SKAP1: variants seen among roughly 807,000 people sequenced by gnomAD.
SKAP1 encodes the protein src kinase-associated phosphoprotein 1.
Under a neutral mutation model 58.5 loss-of-function variants are expected in SKAP1, and 44 were observed. The ratio of observed to expected loss-of-function variants is 0.75; its 90% CI spans 0.59 to 0.97. SKAP1 has a LOEUF of 0.97. Among genes scored for constraint, SKAP1 ranks in the 50% least tolerant of loss-of-function variants. The probability of loss-of-function intolerance (pLI) is 0.00; values close to 1 mark genes in which losing one functional copy is unlikely to be tolerated. For synonymous variants in SKAP1, 127 were observed against 149.7 expected, an observed-to-expected ratio of 0.85 and a Z score of 1.11; for missense variants, 390 against 435.2, an observed-to-expected ratio of 0.90 and a Z score of 0.92.
At chr17:48,326,589 C>T (rs2066440083) in intron 4 of SKAP1, among the ~76,000 whole-genome samples, 1 of 152,152 alleles carries the variant, frequency 6.6e-6, no homozygotes, top group Non-Finnish European at 1.5e-5. Context: ...GACATTATAG[C>T]TCACCTTATA....
chr17:48,392,343 G>A (rs2067359708), intron 2 of SKAP1, among the ~76,000 whole-genome samples: 1 of 152,114 alleles, frequency 6.6e-6, no homozygotes, highest in African/African-American at 2.4e-5. Flanking sequence ...CCATAACCCT[G>A]TTACACAAAA....
chr17:48,252,902 T>C (rs1361955678), intron 4 of SKAP1, among the ~76,000 whole-genome samples: 2 of 152,180 alleles, frequency 1.3e-5, no homozygotes, highest in African/African-American at 4.8e-5. Flanking sequence ...CTGGAGTAGA[T>C]GCTATAGAAC....
intron 2 of SKAP1, among the ~76,000 whole-genome samples, chr17:48,364,068 G>A (rs1378547389): frequency 6.6e-6 from 1 of 152,218 alleles, no homozygotes; most frequent in Non-Finnish European, 1.5e-5. Context: ...GGTCCTAAAA[G>A]GGAACCTAGC....
chr17:48,402,082 C>T (rs1376765471), intron 1 of SKAP1, among the ~76,000 whole-genome samples: 1 of 152,170 alleles, frequency 6.6e-6, no homozygotes, highest in Non-Finnish European at 1.5e-5. Context: ...TACCACTTCA[C>T]ACCCACTAGA....
At chr17:48,294,957 CAAAA>C (rs2065946441) in intron 4 of SKAP1, among the ~76,000 whole-genome samples, 1 of 152,114 alleles carries the variant, frequency 6.6e-6, no homozygotes, top group East Asian at 1.9e-4. Context: ...ACCTATGTGA[CAAAA>C]AGAGCCAGCA....
intron 4 of SKAP1, among the ~76,000 whole-genome samples, chr17:48,200,165 C>T (rs867370883): frequency 2.0e-5 from 3 of 151,586 alleles, no homozygotes; most frequent in South Asian, 2.1e-4. Flanking sequence ...GGTGTGGTGG[C>T]GCACACCTGT....
At chr17:48,438,971 A>C in the SKAP1 span, among the ~76,000 whole-genome samples, 3 of 152,240 alleles carry the variant, frequency 2.0e-5, no homozygotes, top group Non-Finnish European at 4.4e-5. Flanking sequence ...AAATAAGTGG[A>C]GAAATAGAAA....
intron 4 of SKAP1, among the ~76,000 whole-genome samples, chr17:48,264,783 C>CACACACACACACA (rs2065525126): frequency 4.3e-5 from 6 of 140,286 alleles, no homozygotes; most frequent in South Asian, 2.1e-4. Context: ...CACACACACA[C>CACACACACACACA]CCTCCATCTC....
chr17:48,266,571 C>A (rs909692161), intron 4 of SKAP1, among the ~76,000 whole-genome samples: 10 of 146,518 alleles, frequency 6.8e-5, no homozygotes, highest in African/African-American at 2.3e-4. Flanking sequence ...AGTGCAGTGG[C>A]GCAATCTTGA....
chr17:48,160,964 G>C (rs2064061036), intron 11 of SKAP1, among the ~76,000 whole-genome samples: 1 of 152,202 alleles, frequency 6.6e-6, no homozygotes, highest in South Asian at 2.1e-4. Flanking sequence ...GAGCCACACA[G>C]AAATGGCACT....
chr17:48,413,072 A>G (rs2067685320), intron 1 of SKAP1, among the ~76,000 whole-genome samples: 1 of 150,940 alleles, frequency 6.6e-6, no homozygotes, highest in African/African-American at 2.4e-5. Flanking sequence ...AAAAAAAACC[A>G]TAAAGAAGTA....
At chr17:48,398,750 G>A (rs12947993) in intron 1 of SKAP1, among the ~76,000 whole-genome samples, 1 of 152,124 alleles carries the variant, frequency 6.6e-6, no homozygotes, top group African/African-American at 2.4e-5. Context: ...GGCCAAGGCG[G>A]GTGGCTCACG....
intron 3 of SKAP1, among the ~76,000 whole-genome samples, chr17:48,360,421 A>G (rs1270469058): frequency 1.3e-5 from 2 of 152,178 alleles, no homozygotes; most frequent in African/African-American, 4.8e-5. Flanking sequence ...TTGCCATCAA[A>G]TCTAAGGGCA....
chr17:48,312,532 T>A (rs1294128446), intron 4 of SKAP1, among the ~76,000 whole-genome samples: 2 of 152,208 alleles, frequency 1.3e-5, no homozygotes, highest in African/African-American at 2.4e-5. Context: ...TTAAAAATAA[T>A]ACCAGGGTAA....
At chr17:48,209,754 T>C (rs532995329) in intron 4 of SKAP1, among the ~76,000 whole-genome samples, 1 of 152,318 alleles carries the variant, frequency 6.6e-6, no homozygotes, top group African/African-American at 2.4e-5. Flanking sequence ...AAATAGATAC[T>C]TTTCCCCTCA....
intron 3 of SKAP1, among the ~76,000 whole-genome samples, chr17:48,346,595 G>T (rs923403229): frequency 6.6e-6 from 1 of 151,828 alleles, no homozygotes; most frequent in South Asian, 2.1e-4. Flanking sequence ...TTGCACTCCG[G>T]CCTGGGTGAC....
intron 1 of SKAP1, among the ~76,000 whole-genome samples, chr17:48,401,080 T>C (rs556068870): frequency 6.6e-6 from 1 of 152,090 alleles, no homozygotes; most frequent in East Asian, 1.9e-4. Flanking sequence ...CTGAGACGGG[T>C]GGATCACCTG....
At chr17:48,230,591 C>CA (rs994394289) in intron 4 of SKAP1, among the ~76,000 whole-genome samples, 5 of 151,904 alleles carry the variant, frequency 3.3e-5, no homozygotes, top group Non-Finnish European at 7.4e-5. Flanking sequence ...CCTGTCTTTA[C>CA]AAAAAATACA....
At chr17:48,196,046 A>C (rs1286663605) in intron 4 of SKAP1, among the ~76,000 whole-genome samples, 1 of 152,258 alleles carries the variant, frequency 6.6e-6, no homozygotes, top group Non-Finnish European at 1.5e-5. Context: ...GCATTGTATC[A>C]AGCATTTTTA....
Sources: gnomAD v4.1 joint callset for allele counts (sites outside exome capture counted in the v4.1 genomes callset) on GRCh38, gnomAD v4.1.1 for gene constraint, MANE v1.5 for transcripts, NCBI Gene and HGNC (gene_info 2026-07-23, HGNC 2026-07-21) for gene names.